The following RBFOX1 variants were observed in gnomAD, a reference collection of about 807,000 sequenced individuals.
The protein encoded by RBFOX1 is RNA binding protein fox-1 homolog 1.
A neutral mutation model predicts 57.7 loss-of-function variants in RBFOX1; 8 were observed. The ratio of observed to expected loss-of-function variants is 0.14; its 90% CI spans 0.08 to 0.25. RBFOX1 has a LOEUF of 0.25. Ranked by LOEUF, RBFOX1 falls within the 10% of genes least tolerant of loss-of-function variation. The pLI is 1.00. For synonymous variants in RBFOX1, 326 were observed against 222.4 expected (o/e 1.47, Z -4.15); for missense variants, 611 against 548.5 (o/e 1.11, Z -1.14).
chr16:6,564,306 G>C (rs1276809454), intron 2 of RBFOX1, among the ~76,000 whole-genome samples: 1 of 152,138 alleles, frequency 6.6e-6, no homozygotes, highest in Non-Finnish European at 1.5e-5. Context: ...TATTGGCTGG[G>C]CTGCAGTGCA....
At chr16:6,806,043 T>C (rs533486187) in intron 3 of RBFOX1, among the ~76,000 whole-genome samples, 1 of 152,310 alleles carries the variant, frequency 6.6e-6, no homozygotes, top group South Asian at 2.1e-4. Context: ...TAGTTGCAGC[T>C]CTATAAGAAG....
intron 4 of RBFOX1, among the ~76,000 whole-genome samples, chr16:7,232,035 T>C (rs1010535510): frequency 1.3e-5 from 2 of 151,264 alleles, no homozygotes; most frequent in African/African-American, 4.9e-5. Context: ...ATTGTTTCCT[T>C]TTTTTTTTGA....
At chr16:6,286,595 G>T (rs1270232069) in intron 1 of RBFOX1, among the ~76,000 whole-genome samples, 1 of 152,174 alleles carries the variant, frequency 6.6e-6, no homozygotes. Context: ...AATAAGTGTG[G>T]TTGTTACTAA....
intron 1 of RBFOX1, among the ~76,000 whole-genome samples, chr16:5,249,380 C>G (rs1237561449): frequency 3.3e-5 from 5 of 152,218 alleles, no homozygotes; most frequent in African/African-American, 9.6e-5. Context: ...TGTGTCCTTG[C>G]TAGTCTCTGG....
At chr16:6,359,701 G>T (rs1031522225) in intron 2 of RBFOX1, among the ~76,000 whole-genome samples, 13 of 152,110 alleles carry the variant, frequency 8.5e-5, no homozygotes, top group African/African-American at 3.1e-4. Context: ...AACCTTTCGA[G>T]CATCTACTGT....
At chr16:5,436,950 G>A (rs999984616) in intron 1 of RBFOX1, among the ~76,000 whole-genome samples, 3 of 152,112 alleles carry the variant, frequency 2.0e-5, no homozygotes, top group African/African-American at 7.2e-5. Flanking sequence ...ATAGAGAGAG[G>A]TTTCCTGTCT....
intron 3 of RBFOX1, among the ~76,000 whole-genome samples, chr16:6,657,655 T>C (rs2098669303): frequency 6.6e-6 from 1 of 152,108 alleles, no homozygotes; most frequent in African/African-American, 2.4e-5. Flanking sequence ...CCCAAATGCT[T>C]CTGGCAAAAT....
intron 2 of RBFOX1, among the ~76,000 whole-genome samples, chr16:5,571,556 T>A (rs1286147999): frequency 6.6e-6 from 1 of 152,084 alleles, no homozygotes; most frequent in Non-Finnish European, 1.5e-5. Context: ...AACAAACTGT[T>A]TATCATGAAC....
chr16:5,848,445 A>C (rs1190116013), intron 3 of RBFOX1, among the ~76,000 whole-genome samples: 1 of 152,132 alleles, frequency 6.6e-6, no homozygotes, highest in Non-Finnish European at 1.5e-5. Context: ...AAAAATAAAC[A>C]CACAAATATG....
At chr16:5,297,594 C>T (rs559262954) in intron 1 of RBFOX1, among the ~76,000 whole-genome samples, 1 of 152,024 alleles carries the variant, frequency 6.6e-6, no homozygotes, top group Non-Finnish European at 1.5e-5. Flanking sequence ...TGTTTTCTTA[C>T]TATTGAGTTG....
chr16:6,261,448 G>T (rs1367048382), intron 1 of RBFOX1, among the ~76,000 whole-genome samples: 2 of 152,316 alleles, frequency 1.3e-5, no homozygotes, highest in East Asian at 1.9e-4. Flanking sequence ...GATGATGAGT[G>T]TGATTGTTTT....
intron 3 of RBFOX1, among the ~76,000 whole-genome samples, chr16:6,918,379 A>C (rs2073727458): frequency 6.6e-6 from 1 of 152,070 alleles, no homozygotes; most frequent in South Asian, 2.1e-4. Flanking sequence ...AATTTTTAAC[A>C]AGCTACCCGG....
intron 4 of RBFOX1, among the ~76,000 whole-genome samples, chr16:5,935,394 G>C (rs1210558628): frequency 6.6e-6 from 1 of 152,180 alleles, no homozygotes; most frequent in Non-Finnish European, 1.5e-5. Flanking sequence ...CTGTATTGTG[G>C]TTTCTGTGTA....
chr16:5,621,554 G>C (rs1004379732), intron 3 of RBFOX1, among the ~76,000 whole-genome samples: 13 of 152,188 alleles, frequency 8.5e-5, no homozygotes, highest in African/African-American at 2.9e-4. Flanking sequence ...GGTTTACATA[G>C]AAGGTGGGAT....
At chr16:5,592,933 C>G (rs1443709017) in intron 2 of RBFOX1, among the ~76,000 whole-genome samples, 2 of 152,154 alleles carry the variant, frequency 1.3e-5, no homozygotes, top group African/African-American at 2.4e-5. Context: ...GCAACTCCAT[C>G]TTGAATAGGA....
intron 1 of RBFOX1, among the ~76,000 whole-genome samples, chr16:6,127,205 A>G (rs2096596144): frequency 6.6e-6 from 1 of 152,102 alleles, no homozygotes; most frequent in Non-Finnish European, 1.5e-5. Flanking sequence ...GGACTGCCCT[A>G]GATGGAGTCA....
At chr16:7,401,013 C>CA (rs1360220316) in intron 4 of RBFOX1, among the ~76,000 whole-genome samples, 1 of 152,124 alleles carries the variant, frequency 6.6e-6, no homozygotes, top group Non-Finnish European at 1.5e-5. Context: ...TGTGAAGGGA[C>CA]AGAAGTATGA....
intron 2 of RBFOX1, among the ~76,000 whole-genome samples, chr16:5,498,660 A>T (rs1351774330): frequency 6.6e-6 from 1 of 152,190 alleles, no homozygotes; most frequent in Non-Finnish European, 1.5e-5. Flanking sequence ...GGGAGAGAAG[A>T]TGGGGATAAG....
intron 4 of RBFOX1, among the ~76,000 whole-genome samples, chr16:7,293,311 A>G (rs575691937): frequency 5.3e-5 from 8 of 152,296 alleles, no homozygotes; most frequent in African/African-American, 1.9e-4. Context: ...ATACAGGAGG[A>G]TATGTGTAGG....
Sources: allele counts gnomAD v4.1 joint callset (sites outside exome capture counted in the v4.1 genomes callset), GRCh38; gene constraint gnomAD v4.1.1; transcripts MANE v1.5; gene names NCBI Gene and HGNC (gene_info 2026-07-23, HGNC 2026-07-21).